NAV3: variants seen among roughly 807,000 people sequenced by gnomAD.
The protein encoded by NAV3 is neuron navigator 3.
Under a neutral mutation model 244.7 loss-of-function variants are expected in NAV3, and 87 were observed. The observed-to-expected ratio is 0.36, with a 90% CI of 0.30 to 0.42. The LOEUF is 0.42. Ranked by LOEUF, NAV3 falls within the 20% of genes least tolerant of loss-of-function variation. The probability of loss-of-function intolerance (pLI) is 1.00; values close to 1 mark genes in which losing one functional copy is unlikely to be tolerated. For synonymous variants in NAV3, 1,126 were observed against 1,042.2 expected (o/e 1.08, Z -1.55); for missense variants, 2,663 against 2,893.3 (o/e 0.92, Z 1.83).
chr12:78,066,289 G>C (rs1412208689), intron 12 of NAV3, among the ~76,000 whole-genome samples: 1 of 151,986 alleles, frequency 6.6e-6, no homozygotes, highest in Non-Finnish European at 1.5e-5. Context: ...TGATTAGAAG[G>C]TTTTTACCAC....
chr12:78,182,576 T>C (rs1958545090), intron 30 of NAV3, among the ~76,000 whole-genome samples: 1 of 151,926 alleles, frequency 6.6e-6, no homozygotes, highest in Non-Finnish European at 1.5e-5. Flanking sequence ...ACTTAGTATC[T>C]AGGAAAAATA....
intron 2 of NAV3, among the ~76,000 whole-genome samples, chr12:77,749,606 A>C (rs1488994710): frequency 1.3e-5 from 2 of 152,214 alleles, no homozygotes; most frequent in African/African-American, 4.8e-5. Flanking sequence ...GAAAAGGTTC[A>C]GCTAGGCTTT....
At chr12:77,633,126 C>T (rs1780420999) in intron 2 of NAV3, among the ~76,000 whole-genome samples, 1 of 151,986 alleles carries the variant, frequency 6.6e-6, no homozygotes, top group Non-Finnish European at 1.5e-5. Context: ...ACATTGAATA[C>T]TTTACAAGTA....
At chr12:77,646,625 C>A (rs766961307) in intron 2 of NAV3, among the ~76,000 whole-genome samples, 2 of 151,940 alleles carry the variant, frequency 1.3e-5, no homozygotes, top group East Asian at 1.9e-4. Flanking sequence ...CCCTTACACT[C>A]GACAATACTC....
rs993362440 is a variant in NAV3 at position 78,037,134 on chromosome 12, C to G, written c.2024-12859C>G. Reference sequence around the variant, plus strand: ...CAGCAGCTCAGCCTGGAACCTCCTGCCTGCTGGGGGCAGCCAGTCAGACAG... The same window carrying G: ...CAGCAGCTCAGCCTGGAACCTCCTGGCTGCTGGGGGCAGCCAGTCAGACAG... On this transcript the variant is annotated intron_variant, in intron 9 of 39. Coordinates refer to ENST00000397909, the MANE Select transcript of NAV3 (RefSeq NM_001024383.2). The G allele has an allele frequency of 7.1e-6, 5 of 702,916 alleles. No homozygotes were observed. In the African/African-American group the frequency reaches 8.7e-5, roughly 12 times the overall value. 43.5% of individuals were successfully genotyped at this position (702,916 alleles called of 1,614,324 possible).
intron 36 of NAV3, 160 bp from the exon 37 acceptor site, chr12:78,199,174 TA>T: frequency 1.4e-6 from 1 of 714,144 alleles, no homozygotes; most frequent in Non-Finnish European, 2.5e-6. Context: ...GTAGACCTCC[TA>T]ACACCTTTGA....
At chr12:78,198,790 T>A (rs1465848956) in intron 36 of NAV3, 114 bp downstream of exon 36, 1 of 742,222 alleles carries the variant, frequency 1.3e-6, no homozygotes, top group Non-Finnish European at 2.2e-6. Flanking sequence ...GTTTTTCCAT[T>A]TGTACTTTGA....
At chr12:77,670,265 C>G (rs1420927352) in intron 2 of NAV3, among the ~76,000 whole-genome samples, 2 of 151,986 alleles carry the variant, frequency 1.3e-5, no homozygotes, top group African/African-American at 4.8e-5. Context: ...AAACTCTGAA[C>G]AGACCAATAA....
chr12:78,180,147 C>T (rs1958437996), intron 29 of NAV3, among the ~76,000 whole-genome samples: 1 of 152,064 alleles, frequency 6.6e-6, no homozygotes, highest in Non-Finnish European at 1.5e-5. Flanking sequence ...ATTTAGAATG[C>T]CATCTGTAAA....
chr12:77,923,530 C>A (rs1287575882), intron 1 of NAV3, among the ~76,000 whole-genome samples: 1 of 152,104 alleles, frequency 6.6e-6, no homozygotes, highest in African/African-American at 2.4e-5. Flanking sequence ...TCTGTATCAT[C>A]TCTTCTGTAG....
intron 4 of NAV3, among the ~76,000 whole-genome samples, chr12:77,967,769 T>G (rs1457673359): frequency 6.6e-6 from 1 of 152,162 alleles, no homozygotes; most frequent in Non-Finnish European, 1.5e-5. Context: ...TTGAAAATCT[T>G]ACACAGCAAC....
chr12:78,164,010 GC>G (rs138147976), intron 23 of NAV3, among the ~76,000 whole-genome samples: 199 of 152,162 alleles, frequency 1.3e-3, no homozygotes, highest in African/African-American at 4.5e-3. Context: ...TCATTGTGCA[GC>G]TTAATTTTCT....
intron 2 of NAV3, among the ~76,000 whole-genome samples, chr12:77,593,432 G>GT (rs1390259180): frequency 6.6e-6 from 1 of 150,754 alleles, no homozygotes; most frequent in Non-Finnish European, 1.5e-5. Flanking sequence ...TCTCCCTTGT[G>GT]TTTTTTTAAT....
rs542906672 is a variant in NAV3 at position 77,951,453 on chromosome 12, A to G, written c.414+10320A>G. On this transcript the variant is annotated intron_variant, in intron 3 of 39. Coordinates refer to ENST00000397909, the MANE Select transcript of NAV3 (RefSeq NM_001024383.2). ...GGAGAGGATGTGGAGAAATGGGAAC[A>G]CTTTTACACTGTTGGTGGGACTGTA... 3.7e-4 allele frequency among the ~76,000 whole-genome samples: 56 copies of G among 152,238 alleles called. No individual in the cohort carries two copies. The South Asian group carries it at 0.012, about 32-fold the overall frequency.
chr12:78,072,133 A>G (rs1952803470), intron 12 of NAV3, among the ~76,000 whole-genome samples: 1 of 150,806 alleles, frequency 6.6e-6, no homozygotes, highest in African/African-American at 2.4e-5. Flanking sequence ...GAACTAGAAA[A>G]GCAAGAGCAA....
At chr12:77,611,565 TTTC>T (rs1449260989) in intron 2 of NAV3, among the ~76,000 whole-genome samples, 5 of 151,816 alleles carry the variant, frequency 3.3e-5, no homozygotes. Flanking sequence ...CTTTCAGAAA[TTTC>T]TTCTCAATCA....
intron 2 of NAV3, among the ~76,000 whole-genome samples, chr12:77,762,116 A>G (rs957509172): frequency 3.9e-5 from 6 of 152,348 alleles, no homozygotes; most frequent in Non-Finnish European, 7.3e-5. Context: ...GGATGAGTTC[A>G]TGTCCTTCGC....
At chr12:77,586,241 T>C (rs936373318) in intron 2 of NAV3, among the ~76,000 whole-genome samples, 3 of 152,232 alleles carry the variant, frequency 2.0e-5, no homozygotes, top group African/African-American at 7.2e-5. Flanking sequence ...TGTATCTTCT[T>C]ATCATTGACC....
chr12:77,653,063 T>C (rs767505643), intron 2 of NAV3, among the ~76,000 whole-genome samples: 1 of 152,202 alleles, frequency 6.6e-6, no homozygotes, highest in Non-Finnish European at 1.5e-5. Flanking sequence ...ATAAAACAGA[T>C]TTCTTTACTG....
Sources: gnomAD v4.1 joint callset for allele counts (sites outside exome capture counted in the v4.1 genomes callset) on GRCh38, gnomAD v4.1.1 for gene constraint, MANE v1.5 for transcripts, NCBI Gene and HGNC (gene_info 2026-07-23, HGNC 2026-07-21) for gene names.